The following CAND1 variants were observed in gnomAD, a reference collection of about 807,000 sequenced individuals.
The protein encoded by CAND1 is cullin associated and neddylation dissociated 1.
CAND1 carries 7 observed loss-of-function variants against 108.5 expected under a neutral mutation model. The observed-to-expected ratio is 0.06, with a 90% confidence interval of 0.04 to 0.12. The LOEUF is 0.12. Ranked by LOEUF, CAND1 falls within the 10% of genes least tolerant of loss-of-function variation. The probability of loss-of-function intolerance (pLI) is 1.00; values close to 1 mark genes in which losing one functional copy is unlikely to be tolerated. For missense variants in CAND1, 941 were observed against 1,448.7 expected (o/e 0.65, Z 5.69); for synonymous variants, 534 against 512.0 (o/e 1.04, Z -0.58).
At position 67,305,645 on chromosome 12, in the gene CAND1, T is replaced by G; in HGVS notation, c.1977T>G (p.Leu659=). The change falls in exon 10 of 15, where the codon CTT becomes CTG. Residue 659 remains leucine (L), a synonymous_variant. Coordinates refer to ENST00000545606, the MANE Select transcript of CAND1 (RefSeq NM_018448.5). This position sits in a 1 kb window ranked among gnomAD's most constrained non-coding sequence, Gnocchi z 4.4. ...GGGTTCCTATCCTTGCTTCATTTCT[T>G]AGAAAAAACCAGAGAGCTTTGAAAC... ...GEGVPILASF[L]RKNQRALKLG... is the part of the protein sequence containing the mutation. 6.2e-7 allele frequency: 1 copy of G among 1,614,126 alleles called. No individual in the cohort carries two copies. The highest frequency in any genetic ancestry group is 1.1e-5 in the South Asian group (1 of 91,076).
At chr12:67,271,742 T>C (rs2044522727) in intron 1 of CAND1, among the ~76,000 whole-genome samples, 1 of 152,226 alleles carries the variant, frequency 6.6e-6, no homozygotes. Flanking sequence ...GATATATTCC[T>C]AATAGTTGGT....
Position 67,297,735 on chromosome 12 carries a change from A to G in CAND1, c.749-13A>G, listed in dbSNP as rs1437554503. On this transcript the variant is annotated splice_polypyrimidine_tract_variant and intron_variant, in intron 5 of 14. Transcript: ENST00000545606. ...TAATGCATGTTTTTAAAGAACCATT[A>G]TGCTTTTCTTAGGTGAATACCTTGA... The G allele has an allele frequency of 2.5e-6, 4 of 1,589,262 alleles. No homozygotes were observed. The highest frequency in any genetic ancestry group is 2.6e-6 in the Non-Finnish European group (3 of 1,167,116).
chr12:67,309,448 C>T (rs1029664754), intron 11 of CAND1, among the ~76,000 whole-genome samples: 10 of 151,966 alleles, frequency 6.6e-5, no homozygotes, highest in East Asian at 1.9e-4. Flanking sequence ...GCTAATAGTA[C>T]TCCATCTTTA....
At chr12:67,276,794 T>C (rs1167945897) in intron 1 of CAND1, among the ~76,000 whole-genome samples, 1 of 152,192 alleles carries the variant, frequency 6.6e-6, no homozygotes, top group African/African-American at 2.4e-5. Context: ...CTCAGATAAG[T>C]TTCTGGAATG....
At chr12:67,310,344 T>C in intron 13 of CAND1, 28 bp downstream of exon 13, 3 of 1,525,138 alleles carry the variant, frequency 2.0e-6, no homozygotes, top group Non-Finnish European at 2.7e-6. Context: ...ATTTATACAA[T>C]GTTTTAGAAG....
rs554249593 is a variant in CAND1 at position 67,316,547 on chromosome 12, T to A, written c.*3717T>A. On this transcript the variant is annotated 3_prime_UTR_variant, in exon 15 of 15. Coordinates refer to ENST00000545606, the MANE Select transcript of CAND1 (RefSeq NM_018448.5). ...ATCCAAAAACTACTGAAGTGAGTAA[T>A]GCATATAATTTTACTTTTTTGGACC... The A allele has an allele frequency of 2.0e-5, 3 of 151,924 alleles. No individual in the cohort carries two copies. Among genetic ancestry groups the A allele is most frequent in the Non-Finnish European group, 4.4e-5 (3 of 68,032 alleles). 9.4% of individuals were successfully genotyped at this position (151,924 alleles called of 1,614,324 possible).
At chr12:67,273,282 G>C (rs1231867256) in intron 1 of CAND1, among the ~76,000 whole-genome samples, 1 of 152,056 alleles carries the variant, frequency 6.6e-6, no homozygotes, top group Non-Finnish European at 1.5e-5. Flanking sequence ...ATTTGTACCA[G>C]TGTATATAGT....
At chr12:67,277,546 C>T (rs181937405) in intron 1 of CAND1, among the ~76,000 whole-genome samples, 14 of 152,198 alleles carry the variant, frequency 9.2e-5, no homozygotes, top group Admixed American at 5.9e-4. Flanking sequence ...AAAGCACAAA[C>T]ATGTGAAAAA....
chr12:67,281,922 A>G lies in CAND1; in HGVS notation c.81A>G (p.Thr27=), dbSNP rs533592206. 25 of 1,603,632 alleles carry G rather than the reference A, an allele frequency of 1.6e-5. 1 individual carries two copies. The South Asian group carries it at 2.7e-4, about 17-fold the overall frequency. Residue 27 remains threonine (T), a synonymous_variant, in exon 2 of 15, where the codon ACA becomes ACG. Coordinates refer to ENST00000545606, the MANE Select transcript of CAND1 (RefSeq NM_018448.5). The part of the protein sequence containing the change: ...SSDKDFRFMA[T]NDLMTELQKD... ...ATTTTTTTGATAGGTTTATGGCTAC[A>G]AATGATTTGATGACGGAACTGCAGA...
rs945815163 is a variant in CAND1, at chr12:67,319,235, C to T, written c.*6405C>T. The T allele has an allele frequency of 1.3e-5, 2 of 152,220 alleles. No homozygotes were observed. Among genetic ancestry groups the T allele is most frequent in the Non-Finnish European group, 2.9e-5 (2 of 68,074 alleles). 9.4% of individuals were successfully genotyped at this position (152,220 alleles called of 1,614,324 possible). A position where few individuals can be genotyped will look rare whatever the true frequency, so the allele number is the denominator to read the frequency against. ...CTCTCTTTTGCCCATAGGATAAGTACAAACTAGATCTGGTTACTGCCTGCC... is the reference window on the plus strand; with the variant it reads ...CTCTCTTTTGCCCATAGGATAAGTATAAACTAGATCTGGTTACTGCCTGCC... On this transcript the variant is annotated 3_prime_UTR_variant, in exon 15 of 15. Transcript: ENST00000545606.
intron 3 of CAND1, chr12:67,293,321 G>C (rs1371352728): frequency 1.3e-5 from 2 of 152,640 alleles, no homozygotes; most frequent in African/African-American, 4.8e-5. Flanking sequence ...GCCTTTGATA[G>C]AAATGTGTAG....
intron 7 of CAND1, among the ~76,000 whole-genome samples, chr12:67,300,389 T>C (rs989188108): frequency 5.3e-5 from 8 of 152,152 alleles, no homozygotes; most frequent in Admixed American, 4.6e-4. Context: ...CACTTGTGAA[T>C]CCAGATTCAT....
chr12:67,302,671 A>G (rs2044837549), intron 8 of CAND1, 56 bp downstream of exon 8: 1 of 1,479,720 alleles, frequency 6.8e-7, no homozygotes, highest in Admixed American at 1.9e-5. Flanking sequence ...TGCTTTTAAA[A>G]TTGTCTTTAT....
intron 4 of CAND1, among the ~76,000 whole-genome samples, chr12:67,295,503 C>T (rs1592615461): frequency 6.6e-6 from 1 of 151,986 alleles, no homozygotes; most frequent in African/African-American, 2.4e-5. Flanking sequence ...ACGGATTTTC[C>T]GGTTAAAAGA....
chr12:67,284,371 A>T (rs1565717344), intron 2 of CAND1, among the ~76,000 whole-genome samples: 1 of 152,112 alleles, frequency 6.6e-6, no homozygotes, highest in African/African-American at 2.4e-5. Flanking sequence ...TGTGACTAAG[A>T]TTTTAAGGGG....
At chr12:67,295,709 C>G (rs919419265) in intron 4 of CAND1, among the ~76,000 whole-genome samples, 15 of 152,078 alleles carry the variant, frequency 9.9e-5, no homozygotes, top group African/African-American at 2.9e-4. Flanking sequence ...TTATAGGCCA[C>G]CATTATTTGT....
intron 2 of CAND1, among the ~76,000 whole-genome samples, chr12:67,290,509 CA>C (rs879630463): frequency 2.3e-4 from 33 of 141,962 alleles, no homozygotes; most frequent in Non-Finnish European, 2.5e-4. Context: ...GACAGTGTCT[CA>C]AAAAAAAAAA....
At position 67,302,485 on chromosome 12, in the gene CAND1, A is replaced by G. The variant is rs757831604; in HGVS notation, c.1163A>G (p.Glu388Gly). 1 of 1,614,168 alleles carries G rather than the reference A, an allele frequency of 6.2e-7. No individual in the cohort carries two copies. The highest frequency in any genetic ancestry group is 8.5e-7 in the Non-Finnish European group (1 of 1,180,000). ...ALISRFKEREENVKADVFHAY... is the reference protein window; with the variant it reads ...ALISRFKEREGNVKADVFHAY... ...ATATCCAGATTTAAAGAGCGTGAAG[A>G]GAATGTAAAGGCAGATGTTTTTCAC... The change falls in exon 8 of 15, where the codon GAG becomes GGG. Residue 388 changes from glutamate to glycine, a missense_variant. Glu to Gly is a moderately conservative substitution (Grantham distance 98). Around this residue, in one of 9 missense-constraint regions of CAND1, gnomAD observed 697 missense variants for 942.0 expected, o/e 0.74. Transcript: ENST00000545606.
chr12:67,304,898 C>G lies in CAND1; in HGVS notation c.1435+152C>G. 5.9e-6 allele frequency: 6 copies of G among 1,020,240 alleles called. No homozygotes were observed. The South Asian group carries it at 1.0e-4, about 17-fold the overall frequency. 63.2% of individuals were successfully genotyped at this position (1,020,240 alleles called of 1,614,324 possible). On this transcript the variant is annotated intron_variant, in intron 9 of 14. Coordinates refer to ENST00000545606, the MANE Select transcript of CAND1 (RefSeq NM_018448.5). The stretch of plus-strand genomic sequence containing the variant: ...CTTTTTAATCTAACAATCTTGAATA[C>G]CTGAAGTTAGAAATTTGTAAGTAAA...
Sources: gnomAD v4.1 joint callset for allele counts (sites outside exome capture counted in the v4.1 genomes callset) on GRCh38, gnomAD v4.1.1 for gene constraint, gnomAD v4.1.1 regional missense constraint, Gnocchi (gnomAD v3.1) non-coding constraint, MANE v1.5 for transcripts, NCBI Gene and HGNC (gene_info 2026-07-23, HGNC 2026-07-21) for gene names.